VCPIP1: variants seen among roughly 807,000 people sequenced by gnomAD.
VCPIP1 encodes valosin containing protein interacting protein 1, also known as deubiquitinating protein VCPIP1.
VCPIP1 carries 8 observed loss-of-function variants against 85.0 expected under a neutral mutation model. The ratio of observed to expected loss-of-function variants is 0.09; its 90% CI spans 0.06 to 0.17. The LOEUF (loss-of-function observed/expected upper bound fraction) is 0.17, where lower values mean the gene tolerates loss of function less well. Among genes scored for constraint, VCPIP1 ranks in the 10% least tolerant of loss-of-function variants. VCPIP1 has a pLI of 1.00. For synonymous variants in VCPIP1, 543 were observed against 544.5 expected (o/e 1.00, Z 0.04); for missense variants, 1,070 against 1,486.3 (o/e 0.72, Z 4.61).
In VCPIP1 at chr8:66,651,530, A is replaced by T. The variant is rs148348215; in HGVS notation, c.2725T>A (p.Ser909Thr). The change falls in exon 2 of 3, where the codon TCT becomes ACT. Residue 909 changes from serine (S) to threonine (T), a missense_variant. By Grantham distance (58) the Ser-to-Thr change is moderately conservative (BLOSUM62 1). Coordinates refer to ENST00000310421, the MANE Select transcript of VCPIP1 (RefSeq NM_025054.5). ...ATGTGAGGAAGTCCCTTTGCATAAG[A>T]CCATACATCTTCTCCTGTAAGACAA... Reference protein sequence around the residue: ...LATLMGEDVWSYAKGLPHMFQ... With the variant: ...LATLMGEDVWTYAKGLPHMFQ... 1.1e-5 allele frequency: 17 copies of T among 1,613,268 alleles called. No homozygotes were observed. In the African/African-American group the frequency reaches 2.3e-4, roughly 22 times the overall value.
In VCPIP1 at chr8:66,664,967, A is replaced by C. The variant is rs1811193788; in HGVS notation, c.1992T>G (p.Thr664=). The C allele has an allele frequency of 1.9e-6, 3 of 1,613,796 alleles. No individual in the cohort carries two copies. The highest frequency in any genetic ancestry group is 8.5e-7 in the Non-Finnish European group (1 of 1,179,794). ...CGTGAGCACCATCTATATTTACAGGAGTATAATCATCGGGATTCTTTTTGG... is the reference window on the plus strand; with the variant it reads ...CGTGAGCACCATCTATATTTACAGGCGTATAATCATCGGGATTCTTTTTGG... The part of the protein sequence containing the change: ...QTAKKNPDDY[T]PVNIDGAHAQ... Residue 664 remains threonine, a synonymous_variant, in exon 1 of 3, where the codon ACT becomes ACG. Transcript: ENST00000310421.
rs540916352 is a variant in VCPIP1, at chr8:66,638,757, C to T, written c.2798-3385G>A. 1.0e-3 allele frequency among the ~76,000 whole-genome samples: 157 copies of T among 151,794 alleles called. 1 individual carries two copies. Among genetic ancestry groups the T allele is most frequent in the African/African-American group, 2.9e-3 (120 of 41,358 alleles). On this transcript the variant is annotated intron_variant, in intron 2 of 2. Transcript: ENST00000310421. ...TCACGCCACTGCACTCCAGCCTGGG[C>T]GACAGAGCGAGACTCCTGTCTCAAA...
intron 1 of VCPIP1, among the ~76,000 whole-genome samples, chr8:66,659,920 A>C (rs986885608): frequency 4.7e-4 from 71 of 149,740 alleles, no homozygotes; most frequent in Non-Finnish European, 7.9e-4. Flanking sequence ...CTGTCTCCAG[A>C]AAAAAAAAAG....
At chr8:66,649,003 T>C (rs1811025507) in intron 2 of VCPIP1, among the ~76,000 whole-genome samples, 2 of 152,010 alleles carry the variant, frequency 1.3e-5, no homozygotes, top group South Asian at 4.1e-4. Context: ...CTACAAAAAA[T>C]GTAAAAAAAA....
intron 2 of VCPIP1, among the ~76,000 whole-genome samples, chr8:66,640,618 G>A (rs1182249690): frequency 6.6e-6 from 1 of 152,188 alleles, no homozygotes; most frequent in Non-Finnish European, 1.5e-5. Flanking sequence ...ACCCCAGGCA[G>A]ACCAGCAGAC....
At chr8:66,644,872 C>A (rs965465805) in intron 2 of VCPIP1, among the ~76,000 whole-genome samples, 2 of 151,208 alleles carry the variant, frequency 1.3e-5, no homozygotes, top group Non-Finnish European at 2.9e-5. Flanking sequence ...CTGAGGCGGG[C>A]GGATTACTTT....
At chr8:66,662,873 A>C (rs1811170828) in intron 1 of VCPIP1, among the ~76,000 whole-genome samples, 1 of 151,916 alleles carries the variant, frequency 6.6e-6, no homozygotes, top group African/African-American at 2.4e-5. Flanking sequence ...ATTCGTATTT[A>C]AGTGACCTTG....
chr8:66,654,651 G>A (rs957490881), intron 1 of VCPIP1, among the ~76,000 whole-genome samples: 1 of 152,194 alleles, frequency 6.6e-6, no homozygotes, highest in Non-Finnish European at 1.5e-5. Context: ...AAGGATTAGA[G>A]ATCAGGAAGC....
intron 1 of VCPIP1, among the ~76,000 whole-genome samples, chr8:66,657,161 T>A (rs2130175551): frequency 6.6e-6 from 1 of 152,266 alleles, no homozygotes; most frequent in Admixed American, 6.5e-5. Flanking sequence ...CATCTCGGCC[T>A]CCCAAAGTAC....
At chr8:66,638,651 C>T (rs1485063170) in intron 2 of VCPIP1, among the ~76,000 whole-genome samples, 2 of 151,784 alleles carry the variant, frequency 1.3e-5, no homozygotes, top group South Asian at 2.1e-4. Context: ...TGGTGGCGGG[C>T]GCCTGGAGTC....
chr8:66,639,695 T>A (rs546895908), intron 2 of VCPIP1, among the ~76,000 whole-genome samples: 1 of 152,186 alleles, frequency 6.6e-6, no homozygotes, highest in African/African-American at 2.4e-5. Context: ...AGTTTAGTTA[T>A]AATGGGCAAT....
intron 1 of VCPIP1, among the ~76,000 whole-genome samples, chr8:66,652,003 A>C (rs994039615): frequency 1.0e-4 from 15 of 145,306 alleles, no homozygotes; most frequent in Admixed American, 5.4e-4. Flanking sequence ...GCGAAACTCT[A>C]TCTCTACAAA....
rs1810831103 is a variant in VCPIP1, at chr8:66,631,172, C to T, written c.*3329G>A. 1 of 152,040 alleles carries T rather than the reference C, an allele frequency of 6.6e-6. No individual in the cohort carries two copies. The allele number at this position is 152,040 out of a possible 1,614,324, so 9.4% of individuals were successfully genotyped here. On this transcript the variant is annotated 3_prime_UTR_variant, in exon 3 of 3. Transcript: ENST00000310421. The stretch of plus-strand genomic sequence containing the variant: ...CTTTGAGAACCATAAAACTCAAAAT[C>T]TGTGTAGTATTTTAAGTATGAACCA...
intron 2 of VCPIP1, among the ~76,000 whole-genome samples, chr8:66,644,673 A>T (rs1218348650): frequency 1.3e-5 from 2 of 152,174 alleles, no homozygotes; most frequent in Non-Finnish European, 2.9e-5. Context: ...ATTGCTAATA[A>T]AATTGTCTTT....
chr8:66,634,584 C>T lies in VCPIP1; in HGVS notation c.3586G>A (p.Gly1196Arg). Residue 1196 changes from glycine to arginine, a missense_variant, in exon 3 of 3, where the codon GGA becomes AGA. By Grantham distance (125) the Gly-to-Arg change is moderately radical. Transcript: ENST00000310421. ...TCTTCAAGCTCCTCCACGGAATTTC[C>T]CCTTTGTGCTTTTGACCTTGTGGCA... ...AFATRSKAQRGNSVEELEEMD... is the reference protein window; with the variant it reads ...AFATRSKAQRRNSVEELEEMD... 1 of 1,614,130 alleles carries T rather than the reference C, an allele frequency of 6.2e-7. No homozygotes were observed. The highest frequency in any genetic ancestry group is 8.5e-7 in the Non-Finnish European group (1 of 1,180,022).
chr8:66,652,322 T>A (rs530941227), intron 1 of VCPIP1, among the ~76,000 whole-genome samples: 2 of 152,180 alleles, frequency 1.3e-5, no homozygotes, highest in African/African-American at 2.4e-5. Flanking sequence ...TTGAAAGATA[T>A]TTTTGGGCCA....
chr8:66,657,870 A>T (rs1007728810), intron 1 of VCPIP1, among the ~76,000 whole-genome samples: 11 of 152,226 alleles, frequency 7.2e-5, no homozygotes, highest in African/African-American at 1.2e-4. Context: ...GAATAACATC[A>T]ATATTTGACT....
At chr8:66,647,746 G>T (rs78266272) in intron 2 of VCPIP1, among the ~76,000 whole-genome samples, 2 of 152,164 alleles carry the variant, frequency 1.3e-5, no homozygotes, top group East Asian at 3.9e-4. Flanking sequence ...TCAACAAATG[G>T]TGCTGGAACA....
chr8:66,658,073 C>A (rs190898742), intron 1 of VCPIP1, among the ~76,000 whole-genome samples: 3 of 152,230 alleles, frequency 2.0e-5, no homozygotes, highest in South Asian at 4.2e-4. Context: ...CGGTGGCTCA[C>A]GCCTGTAATC....
Sources: gnomAD v4.1 joint callset for allele counts (sites outside exome capture counted in the v4.1 genomes callset) on GRCh38, gnomAD v4.1.1 for gene constraint, MANE v1.5 for transcripts, NCBI Gene and HGNC (gene_info 2026-07-23, HGNC 2026-07-21) for gene names.